Variants in ARHGEF28 observed in about 807,000 individuals in gnomAD.
The protein encoded by ARHGEF28 is 190 kDa guanine nucleotide exchange factor.
ARHGEF28 carries 152 observed loss-of-function variants against 206.6 expected under a neutral mutation model. The observed-to-expected ratio is 0.74, with a 90% confidence interval of 0.64 to 0.84. The LOEUF (loss-of-function observed/expected upper bound fraction) is 0.84. Among genes scored for constraint, ARHGEF28 ranks in the 40% least tolerant of loss-of-function variants. The pLI, the probability that ARHGEF28 is intolerant of heterozygous loss-of-function variation, is 0.00. For synonymous variants in ARHGEF28, 763 were observed against 776.4 expected (o/e 0.98, Z 0.29); for missense variants, 2,028 against 2,073.2 (o/e 0.98, Z 0.42).
chr5:73,905,723 T>C (rs1762514708), intron 33 of ARHGEF28, among the ~76,000 whole-genome samples: 1 of 152,224 alleles, frequency 6.6e-6, no homozygotes, highest in Non-Finnish European at 1.5e-5. Flanking sequence ...ACTTTTGTAT[T>C]ATTAACAACA....
rs551736945 is a variant in ARHGEF28 at position 73,884,832 on chromosome 5, C to T, written c.3055+948C>T. Among the ~76,000 whole-genome samples the T allele has an allele frequency of 2.6e-3, 397 of 151,848 alleles. 2 individuals are homozygous for T. The highest frequency in any genetic ancestry group is 9.4e-3 in the African/African-American group (387 of 41,332). On this transcript the variant is annotated intron_variant, in intron 24 of 35. Transcript: ENST00000513042. Reference sequence around the variant, plus strand: ...GTATTTTCATAAGATAATCTAGAGACAAGAGCAGGTAGCCAGTATTTTAAA... The same window carrying T: ...GTATTTTCATAAGATAATCTAGAGATAAGAGCAGGTAGCCAGTATTTTAAA...
chr5:73,696,907 A>C (rs1322122093), intron 2 of ARHGEF28, among the ~76,000 whole-genome samples: 1 of 152,092 alleles, frequency 6.6e-6, no homozygotes, highest in Non-Finnish European at 1.5e-5. Context: ...TGTGACCATC[A>C]CTATTTTGGG....
chr5:73,816,332 T>C (rs1330737746), intron 9 of ARHGEF28, among the ~76,000 whole-genome samples: 2 of 152,180 alleles, frequency 1.3e-5, no homozygotes, highest in Non-Finnish European at 2.9e-5. Context: ...ATCATAAGTA[T>C]TTTTGTCAGT....
Position 73,898,020 on chromosome 5 carries a change from T to A in ARHGEF28, c.3900T>A (p.Cys1300Ter). Residue 1300 changes from cysteine to a stop codon, truncating the protein, a stop_gained, in exon 30 of 36, where the codon TGT (cysteine) becomes TGA (stop). Transcript: ENST00000513042. LOFTEE classifies it high-confidence loss of function. ...ASQMGAVSQSCEDSCGDSVLA... is the reference protein window; with the variant it reads ...ASQMGAVSQS ...AGATGGGCGCCGTGAGTCAATCATGTGAGGACAGTTGTGGAGACTCTGTCT... is the reference window on the plus strand; with the variant it reads ...AGATGGGCGCCGTGAGTCAATCATGAGAGGACAGTTGTGGAGACTCTGTCT... 4 of 1,608,514 alleles carry A rather than the reference T, an allele frequency of 2.5e-6. No individual in the cohort carries two copies. Among genetic ancestry groups the A allele is most frequent in the Non-Finnish European group, 3.4e-6 (4 of 1,177,372 alleles).
At chr5:73,724,483 TAC>T (rs1750159723) in intron 2 of ARHGEF28, among the ~76,000 whole-genome samples, 1 of 152,196 alleles carries the variant, frequency 6.6e-6, no homozygotes, top group Admixed American at 6.5e-5. Flanking sequence ...TGTTGACAAA[TAC>T]ACAGAGTACT....
intron 2 of ARHGEF28, among the ~76,000 whole-genome samples, chr5:73,715,678 C>G (rs1561352971): frequency 6.6e-6 from 1 of 152,180 alleles, no homozygotes; most frequent in Non-Finnish European, 1.5e-5. Flanking sequence ...ACCTATAGCT[C>G]ATAGCACATC....
chr5:73,842,287 A>C (rs986523122), intron 11 of ARHGEF28, among the ~76,000 whole-genome samples: 9 of 152,218 alleles, frequency 5.9e-5, no homozygotes, highest in African/African-American at 2.2e-4. Flanking sequence ...ATGTATATAA[A>C]TATTTCTCTG....
At chr5:73,748,332 C>A (rs1751847292) in intron 2 of ARHGEF28, among the ~76,000 whole-genome samples, 1 of 146,546 alleles carries the variant, frequency 6.8e-6, no homozygotes. Context: ...CAATTCAAAA[C>A]TGCCAACCAG....
chr5:73,764,250 G>A (rs1342999984), intron 4 of ARHGEF28, among the ~76,000 whole-genome samples: 1 of 152,050 alleles, frequency 6.6e-6, no homozygotes, highest in African/African-American at 2.4e-5. Context: ...TTGAATCCTT[G>A]GTCTCCCCAT....
chr5:73,922,727 A>G (rs576218350), intron 35 of ARHGEF28, among the ~76,000 whole-genome samples: 1 of 152,328 alleles, frequency 6.6e-6, no homozygotes. Context: ...TATATATTCC[A>G]TCTGACTAAA....
chr5:73,834,672 A>G (rs1197171951), intron 10 of ARHGEF28, among the ~76,000 whole-genome samples: 2 of 152,110 alleles, frequency 1.3e-5, no homozygotes, highest in African/African-American at 2.4e-5. Flanking sequence ...TTATAATACC[A>G]TATTTTTACT....
In ARHGEF28 at chr5:73,909,579, T is replaced by C. The variant is rs2112725137; in HGVS notation, c.4329T>C (p.Leu1443=). ...AGGAGCTGGCCAATGTGCACCAGCT[T>C]CAGCACCAGCTCCAGCAGGAGCAGC... ...QHEELANVHQ[L]QHQLQQEQRR... is the part of the protein sequence containing the mutation. Residue 1443 remains leucine (L), a synonymous_variant, in exon 34 of 36, where the codon CTT becomes CTC. Coordinates refer to ENST00000513042, the MANE Select transcript of ARHGEF28 (RefSeq NM_001177693.2). 2 of 1,563,936 alleles carry C rather than the reference T, an allele frequency of 1.3e-6. No homozygotes were observed. The highest frequency in any genetic ancestry group is 1.7e-6 in the Non-Finnish European group (2 of 1,154,506).
intron 2 of ARHGEF28, among the ~76,000 whole-genome samples, chr5:73,691,296 TAC>T (rs57854737): frequency 0.011 from 1,647 of 149,654 alleles, 14 homozygotes; most frequent in African/African-American, 0.012. Flanking sequence ...GGCAAATGTG[TAC>T]ACACACACAC....
At position 73,911,447 on chromosome 5, in the gene ARHGEF28, A is replaced by T. The variant is rs1762899033; in HGVS notation, c.4820A>T (p.Glu1607Val). 1 of 1,613,896 alleles carries T rather than the reference A, an allele frequency of 6.2e-7. No individual in the cohort carries two copies. Among genetic ancestry groups the T allele is most frequent in the African/African-American group, 1.3e-5 (1 of 74,928 alleles). ...CATTCTGACTTGGTGAGGACTAGTG[A>T]ACATCAAGTAGACCTCAAGGTGGAC... Reference protein sequence around the residue: ...QSHSDLVRTSEHQVDLKVDPS... With the variant: ...QSHSDLVRTSVHQVDLKVDPS... The change falls in exon 35 of 36, where the codon GAA becomes GTA. Residue 1607 changes from glutamate to valine, a missense_variant. Physicochemically the swap from Glu to Val is moderately radical, Grantham distance 121. Around this residue, in one of 3 missense-constraint regions of ARHGEF28, gnomAD observed 803 missense variants for 768.0 expected, o/e 1.05. Transcript: ENST00000513042.
chr5:73,759,232 C>T (rs1044452064), intron 4 of ARHGEF28, among the ~76,000 whole-genome samples: 3 of 152,166 alleles, frequency 2.0e-5, no homozygotes, highest in African/African-American at 4.8e-5. Flanking sequence ...AGAGTTATAA[C>T]AACCACAACA....
chr5:73,690,001 G>T (rs1314242496), intron 2 of ARHGEF28, among the ~76,000 whole-genome samples: 2 of 152,154 alleles, frequency 1.3e-5, no homozygotes, highest in Non-Finnish European at 2.9e-5. Context: ...CACCACTTGG[G>T]AGCTTAAAAG....
chr5:73,926,231 A>G (rs1763794378), intron 35 of ARHGEF28, among the ~76,000 whole-genome samples: 1 of 152,352 alleles, frequency 6.6e-6, no homozygotes, highest in Non-Finnish European at 1.5e-5. Flanking sequence ...TGCTCTGTCC[A>G]TCAAGGAGAT....
chr5:73,833,753 T>C (rs1393674863), intron 10 of ARHGEF28, among the ~76,000 whole-genome samples: 2 of 152,088 alleles, frequency 1.3e-5, no homozygotes, highest in Non-Finnish European at 2.9e-5. Context: ...CTCAGGAAAC[T>C]TAAAATAATG....
intron 2 of ARHGEF28, among the ~76,000 whole-genome samples, chr5:73,717,040 C>G (rs1412409840): frequency 1.3e-5 from 2 of 151,984 alleles, no homozygotes; most frequent in South Asian, 4.1e-4. Context: ...TAATTGCTGA[C>G]CTTAGACAAT....
Sources: allele counts gnomAD v4.1 joint callset (sites outside exome capture counted in the v4.1 genomes callset), GRCh38; gene constraint gnomAD v4.1.1; regional missense constraint gnomAD v4.1.1; transcripts MANE v1.5; gene names NCBI Gene and HGNC (gene_info 2026-07-23, HGNC 2026-07-21).